Variants in SLC8A1 observed in about 807,000 individuals in gnomAD.
SLC8A1 encodes solute carrier family 8 member A1.
A neutral mutation model predicts 68.3 loss-of-function variants in SLC8A1; 18 were observed. The observed-to-expected ratio is 0.26, with a 90% CI of 0.18 to 0.39. SLC8A1 has a LOEUF of 0.39. SLC8A1 is among the 10% of genes least tolerant of loss of function. The pLI, the probability that SLC8A1 is intolerant of heterozygous loss-of-function variation, is 1.00. For synonymous variants in SLC8A1, 475 were observed against 415.5 expected (o/e 1.14, Z -1.74); for missense variants, 985 against 1,156.7 (o/e 0.85, Z 2.15).
rs1558810172 is a variant in SLC8A1 at position 40,219,807 on chromosome 2, T to TGG, written c.1809-41953_1809-41952insCC. Among the ~76,000 whole-genome samples the TGG allele has an allele frequency of 1.2e-3, 70 of 60,212 alleles. 9 individuals are homozygous for TGG. Among genetic ancestry groups the TGG allele is most frequent in the Admixed American group, 2.4e-3 (13 of 5,352 alleles). 39.5% of individuals were successfully genotyped at this position (60,212 alleles called of 152,430 possible). A position where few individuals can be genotyped will look rare whatever the true frequency, so the allele number is the denominator to read the frequency against. ...AACCTAGTTGATGAGAGAGATGTGC[T>TGG]TTGTTTGCTATGCATGAGATTGCTT... is the stretch of plus-strand genomic sequence containing the variant. On this transcript the variant is annotated intron_variant, in intron 2 of 7. Transcript: ENST00000406785.
intron 2 of SLC8A1, among the ~76,000 whole-genome samples, chr2:40,348,252 T>C (rs1443182704): frequency 6.6e-6 from 1 of 152,158 alleles, no homozygotes; most frequent in Non-Finnish European, 1.5e-5. Flanking sequence ...GTCATTTAAT[T>C]GCTCTGAAGA....
At chr2:40,135,549 C>G (rs1282357184) in intron 7 of SLC8A1, among the ~76,000 whole-genome samples, 3 of 152,066 alleles carry the variant, frequency 2.0e-5, no homozygotes, top group African/African-American at 7.3e-5. Context: ...GAAATCCTCT[C>G]TCTACTAAAA....
chr2:40,188,428 C>T (rs892954058), intron 2 of SLC8A1, among the ~76,000 whole-genome samples: 11 of 152,300 alleles, frequency 7.2e-5, no homozygotes, highest in African/African-American at 2.2e-4. Context: ...CTGCCTATTA[C>T]GAGAATTTAG....
rs1417861027 is a variant in SLC8A1, at chr2:40,460,292, T to G, written c.-24-29988A>C. Among the ~76,000 whole-genome samples, 6 of 152,214 alleles carry G rather than the reference T, an allele frequency of 3.9e-5. No homozygotes were observed. In the East Asian group the frequency reaches 1.2e-3, roughly 29 times the overall value. Reference sequence around the variant, plus strand: ...GAAAAGCAGAGCTTGGATAGAAAATTATTCCACACAGCAAAGTGCATACTT... The same window carrying G: ...GAAAAGCAGAGCTTGGATAGAAAATGATTCCACACAGCAAAGTGCATACTT... On this transcript the variant is annotated intron_variant, in intron 1 of 7. Transcript: ENST00000402441.
chr2:40,474,598 G>C (rs904639020), intron 1 of SLC8A1, among the ~76,000 whole-genome samples: 1 of 152,130 alleles, frequency 6.6e-6, no homozygotes, highest in Admixed American at 6.5e-5. Flanking sequence ...TACTAAATTG[G>C]CTATGACAGT....
chr2:40,237,471 T>G (rs1298480598), intron 2 of SLC8A1, among the ~76,000 whole-genome samples: 1 of 151,652 alleles, frequency 6.6e-6, no homozygotes, highest in East Asian at 1.9e-4. Flanking sequence ...ACTTTAAGCA[T>G]TTCTCTGTAT....
chr2:40,242,603 T>C (rs2061365517), intron 2 of SLC8A1, among the ~76,000 whole-genome samples: 1 of 152,224 alleles, frequency 6.6e-6, no homozygotes, highest in Non-Finnish European at 1.5e-5. Flanking sequence ...ACAAATGTCA[T>C]AGAAACAGCT....
intron 1 of SLC8A1, among the ~76,000 whole-genome samples, chr2:40,459,264 A>T (rs1446471210): frequency 1.3e-5 from 2 of 152,248 alleles, no homozygotes; most frequent in South Asian, 4.1e-4. Flanking sequence ...GGAAAGTACT[A>T]GTTTAGGTGG....
chr2:40,387,470 A>G (rs1232830354), intron 2 of SLC8A1, among the ~76,000 whole-genome samples: 1 of 151,540 alleles, frequency 6.6e-6, no homozygotes, highest in Non-Finnish European at 1.5e-5. Flanking sequence ...AATTGAAACC[A>G]GATACAAAAC....
chr2:40,200,241 T>TGACTTGAA (rs1558723130), intron 2 of SLC8A1, among the ~76,000 whole-genome samples: 11 of 12,722 alleles, frequency 8.6e-4, no homozygotes, highest in African/African-American at 2.3e-3. Context: ...TATATATAAA[T>TGACTTGAA]ATATATATAT....
chr2:40,472,348 T>G (rs1172414635), intron 1 of SLC8A1, among the ~76,000 whole-genome samples: 1 of 152,054 alleles, frequency 6.6e-6, no homozygotes, highest in Non-Finnish European at 1.5e-5. Flanking sequence ...CTCCAGGGAG[T>G]TGGAGATGAC....
At chr2:40,210,988 C>CCT (rs1400060658) in intron 2 of SLC8A1, among the ~76,000 whole-genome samples, 3 of 152,130 alleles carry the variant, frequency 2.0e-5, no homozygotes, top group Non-Finnish European at 4.4e-5. Flanking sequence ...TTATCAAGAC[C>CCT]CTCATTTTCT....
At chr2:40,227,981 T>A (rs2059193277) in intron 2 of SLC8A1, among the ~76,000 whole-genome samples, 1 of 152,196 alleles carries the variant, frequency 6.6e-6, no homozygotes, top group Non-Finnish European at 1.5e-5. Flanking sequence ...CAGATCATGC[T>A]GATGAATGAA....
chr2:40,487,038 A>C (rs754090684), intron 1 of SLC8A1, among the ~76,000 whole-genome samples: 7 of 151,938 alleles, frequency 4.6e-5, no homozygotes, highest in Non-Finnish European at 7.4e-5. Context: ...CCGGGGCTTA[A>C]TATGTTTTTA....
At chr2:40,264,934 A>G (rs1490317489) in intron 2 of SLC8A1, among the ~76,000 whole-genome samples, 2 of 152,230 alleles carry the variant, frequency 1.3e-5, no homozygotes, top group African/African-American at 4.8e-5. Context: ...TTTGCAGGTA[A>G]GAAAACTGAG....
chr2:40,135,102 A>G (rs1224273871), intron 7 of SLC8A1, among the ~76,000 whole-genome samples: 3 of 147,780 alleles, frequency 2.0e-5, no homozygotes, highest in Non-Finnish European at 4.4e-5. Flanking sequence ...TGTGGATAGA[A>G]AAAAAGGCCC....
chr2:40,223,374 G>T (rs544920299), intron 2 of SLC8A1, among the ~76,000 whole-genome samples: 2 of 152,206 alleles, frequency 1.3e-5, no homozygotes, highest in South Asian at 4.2e-4. Context: ...CAGGGGGTGG[G>T]GAGCTAAAGG....
chr2:40,356,690 C>A (rs1222764622), intron 2 of SLC8A1, among the ~76,000 whole-genome samples: 1 of 151,812 alleles, frequency 6.6e-6, no homozygotes, highest in Non-Finnish European at 1.5e-5. Flanking sequence ...AGAGAAGGGT[C>A]CAGATGTAAG....
At chr2:40,229,379 C>T (rs926676709) in intron 2 of SLC8A1, among the ~76,000 whole-genome samples, 2 of 152,006 alleles carry the variant, frequency 1.3e-5, no homozygotes, top group African/African-American at 4.8e-5. Context: ...ATACCAATCA[C>T]AACTTGGGCA....
Sources: gnomAD v4.1 joint callset for allele counts (sites outside exome capture counted in the v4.1 genomes callset) on GRCh38, gnomAD v4.1.1 for gene constraint, MANE v1.5 for transcripts, NCBI Gene and HGNC (gene_info 2026-07-23, HGNC 2026-07-21) for gene names.